The following FAIM variants were observed in gnomAD, a reference collection of about 807,000 sequenced individuals.
The protein encoded by FAIM is fas apoptotic inhibitory molecule 1.
A neutral mutation model predicts 21.2 loss-of-function variants in FAIM; 14 were observed. That is an observed-to-expected ratio of 0.66 (90% CI 0.44 to 1.03). The LOEUF (loss-of-function observed/expected upper bound fraction) is 1.03, where lower values mean the gene tolerates loss of function less well. Ranked by LOEUF, FAIM falls within the 50% of genes least tolerant of loss-of-function variation. The probability of loss-of-function intolerance (pLI) is 0.00; values close to 1 mark genes in which losing one functional copy is unlikely to be tolerated. For missense variants in FAIM, 222 were observed against 247.1 expected, an observed-to-expected ratio of 0.90 and a Z score of 0.68; for synonymous variants, 86 against 80.4, an observed-to-expected ratio of 1.07 and a Z score of -0.37.
At chr3:138,628,705 G>A (rs554603647) in intron 4 of FAIM, among the ~76,000 whole-genome samples, 4 of 151,884 alleles carry the variant, frequency 2.6e-5, no homozygotes, top group East Asian at 3.9e-4. Context: ...GGATGGTCTC[G>A]ATCTCCTGAC....
At chr3:138,609,597 T>C (rs1435648014) in intron 1 of FAIM, among the ~76,000 whole-genome samples, 13 of 67,724 alleles carry the variant, frequency 1.9e-4, no homozygotes, top group South Asian at 5.9e-4. Context: ...CTCTCGACTC[T>C]CTCTCTCTCT....
chr3:138,625,192 G>C (rs34652182), intron 4 of FAIM, among the ~76,000 whole-genome samples: 10,220 of 151,972 alleles, frequency 0.067, 702 homozygotes, highest in East Asian at 0.37. Context: ...GCTGGGCATG[G>C]TAGCTCACAC....
chr3:138,613,369 G>A (rs1355740366), intron 1 of FAIM, among the ~76,000 whole-genome samples: 3 of 152,024 alleles, frequency 2.0e-5, no homozygotes, highest in Admixed American at 6.6e-5. Context: ...GAGCAGTAGA[G>A]TTCTTTATAT....
intron 4 of FAIM, among the ~76,000 whole-genome samples, chr3:138,626,086 C>T (rs2042936361): frequency 6.6e-6 from 1 of 152,180 alleles, no homozygotes; most frequent in Non-Finnish European, 1.5e-5. Context: ...ATTTACAGAA[C>T]ATAACCTGCT....
intron 1 of FAIM, among the ~76,000 whole-genome samples, chr3:138,615,252 A>ATCTC (rs1298789367): frequency 6.6e-6 from 1 of 152,226 alleles, no homozygotes; most frequent in African/African-American, 2.4e-5. Context: ...CCAAACACGT[A>ATCTC]TCTCTTTTGC....
rs752212113 is a variant in FAIM at position 138,629,124 on chromosome 3, G to C, written c.424G>C (p.Val142Leu). 6.2e-7 allele frequency: 1 copy of C among 1,610,534 alleles called. No individual in the cohort carries two copies. Among genetic ancestry groups the C allele is most frequent in the Non-Finnish European group, 8.5e-7 (1 of 1,178,510 alleles). ...CTTTACAGAAAAAGATGCTATGGAC[G>C]TATGGTGCAATGGTAAAAAATTGGA... ...RIVLEKDAMD[V>L]WCNGKKLETA... The change falls in exon 5 of 6, where the codon GTA becomes CTA. Residue 142 changes from valine to leucine, a missense_variant. By Grantham distance (32) the Val-to-Leu change is conservative (BLOSUM62 1). Transcript: ENST00000360570.
At chr3:138,629,907 G>A (rs1202002048) in intron 5 of FAIM, 1 of 152,290 alleles carries the variant, frequency 6.6e-6, no homozygotes, top group Non-Finnish European at 1.5e-5. Context: ...GGCTGTGGAT[G>A]GGATGAATGT....
intron 4 of FAIM, among the ~76,000 whole-genome samples, chr3:138,626,617 A>G (rs2042941253): frequency 6.6e-6 from 1 of 152,190 alleles, no homozygotes; most frequent in South Asian, 2.1e-4. Context: ...GCTGTTTCTA[A>G]TCTTTTGCTG....
intron 5 of FAIM, chr3:138,629,474 G>GGTGTCCTCTT (rs2042979431): frequency 5.0e-6 from 1 of 199,964 alleles, no homozygotes; most frequent in Admixed American, 5.9e-5. Context: ...CCCAGAGGTT[G>GGTGTCCTCTT]GTGTCCTCTT....
chr3:138,611,060 G>A, intron 1 of FAIM: 1 of 1,550,464 alleles, frequency 6.4e-7, no homozygotes, highest in Non-Finnish European at 8.9e-7. Flanking sequence ...CCCAGAGCCT[G>A]GTACATAAGT....
Position 138,611,087 on chromosome 3 carries a change from T to C in FAIM, c.-17+2150T>C, listed in dbSNP as rs375438065. 1.1e-4 allele frequency: 146 copies of C among 1,337,070 alleles called. 1 individual carries two copies. Among genetic ancestry groups the C allele is most frequent in the Non-Finnish European group, 1.5e-4 (139 of 931,934 alleles). The allele number at this position is 1,337,070 out of a possible 1,614,324, so 82.8% of individuals were successfully genotyped here. ...TACATAAGTACCCAATAACTATTGGTATGCTGGATGAACTTAGAATATGAC... is the reference window on the plus strand; with the variant it reads ...TACATAAGTACCCAATAACTATTGGCATGCTGGATGAACTTAGAATATGAC... On this transcript the variant is annotated intron_variant, in intron 1 of 5. Transcript: ENST00000360570.
At chr3:138,631,032 G>A (rs973716749) in intron 5 of FAIM, 2 of 151,988 alleles carry the variant, frequency 1.3e-5, no homozygotes, top group African/African-American at 4.8e-5. Flanking sequence ...AGCTACTCAG[G>A]AGGCTGAGGT....
chr3:138,627,938 C>T (rs1317501783), intron 4 of FAIM, among the ~76,000 whole-genome samples: 3 of 152,144 alleles, frequency 2.0e-5, no homozygotes, highest in African/African-American at 7.2e-5. Context: ...AAACCTGACC[C>T]CCAGACTCCT....
intron 1 of FAIM, chr3:138,610,846 G>A (rs1403007274): frequency 1.9e-5 from 16 of 848,194 alleles, no homozygotes; most frequent in East Asian, 2.5e-5. Context: ...ACCTCCCAAA[G>A]TGCTGGGATT....
At chr3:138,620,108 T>G (rs2042868496) in intron 2 of FAIM, among the ~76,000 whole-genome samples, 1 of 152,202 alleles carries the variant, frequency 6.6e-6, no homozygotes, top group Non-Finnish European at 1.5e-5. Context: ...AAGAGGAAGA[T>G]GTAGTTAAGA....
At position 138,621,541 on chromosome 3, in the gene FAIM, T is replaced by C. The variant is rs1226095806; in HGVS notation, c.177+2T>C. Reference sequence around the variant, plus strand: ...CGAGTAGTATATGTAGATGGAAAGGTAGGAAGAAAATATGTTACTTTGTAA... The same window carrying C: ...CGAGTAGTATATGTAGATGGAAAGGCAGGAAGAAAATATGTTACTTTGTAA... On this transcript the variant is annotated splice_donor_variant, in intron 3 of 5. Transcript: ENST00000360570. LOFTEE classifies it high-confidence loss of function. 6 of 1,610,294 alleles carry C rather than the reference T, an allele frequency of 3.7e-6. No homozygotes were observed. Among genetic ancestry groups the C allele is most frequent in the East Asian group, 2.2e-5 (1 of 44,794 alleles).
chr3:138,619,610 C>G, intron 1 of FAIM, 101 bp from the exon 2 acceptor site: 1 of 1,025,008 alleles, frequency 9.8e-7, no homozygotes, highest in Non-Finnish European at 1.5e-6. Context: ...AAATGGATTG[C>G]AAAATTAGAA....
chr3:138,632,301 AT>A (rs1172449610), intron 5 of FAIM, among the ~76,000 whole-genome samples: 1 of 151,880 alleles, frequency 6.6e-6, no homozygotes, highest in Admixed American at 6.6e-5. Context: ...TATTTTATAC[AT>A]TTTTTTGTTT....
At chr3:138,619,102 G>A (rs2042857689) in intron 1 of FAIM, among the ~76,000 whole-genome samples, 1 of 152,154 alleles carries the variant, frequency 6.6e-6, no homozygotes, top group African/African-American at 2.4e-5. Flanking sequence ...TTAAGTAAGG[G>A]GATAAATTAA....
Sources: allele counts gnomAD v4.1 joint callset (sites outside exome capture counted in the v4.1 genomes callset), GRCh38; gene constraint gnomAD v4.1.1; transcripts MANE v1.5; gene names NCBI Gene and HGNC (gene_info 2026-07-23, HGNC 2026-07-21).